MAF: variants seen among roughly 807,000 people sequenced by gnomAD.
MAF encodes MAF bZIP transcription factor.
MAF carries 10 observed loss-of-function variants against 22.0 expected under a neutral mutation model. The ratio of observed to expected loss-of-function variants is 0.45; its 90% CI spans 0.28 to 0.77. The LOEUF is 0.77. MAF is among the 30% of genes least tolerant of loss of function. The pLI is 0.12. For synonymous variants in MAF, 337 were observed against 255.8 expected, an observed-to-expected ratio of 1.32 and a Z score of -3.03; for missense variants, 544 against 548.4, an observed-to-expected ratio of 0.99 and a Z score of 0.08.
At chr16:79,504,130 C>G in the MAF span, among the ~76,000 whole-genome samples, 1 of 152,116 alleles carries the variant, frequency 6.6e-6, no homozygotes, top group Admixed American at 6.5e-5. Flanking sequence ...GACTTTTCAC[C>G]TTCTGTTTGG....
the MAF span, among the ~76,000 whole-genome samples, chr16:79,554,090 AAAACAAAC>A: frequency 5.7e-3 from 693 of 121,110 alleles, 8 homozygotes; most frequent in East Asian, 0.011. Context: ...CTGCCTCTCA[AAAACAAAC>A]AAACAAACAA....
chr16:79,362,529 T>A, the MAF span, among the ~76,000 whole-genome samples: 479 of 152,314 alleles, frequency 3.1e-3, no homozygotes, highest in Non-Finnish European at 5.5e-3. Context: ...TAGTCACCAT[T>A]AGAAATAGTC....
the MAF span, among the ~76,000 whole-genome samples, chr16:79,517,651 T>A: frequency 8.0e-3 from 1,189 of 149,058 alleles, 15 homozygotes; most frequent in African/African-American, 0.027. Flanking sequence ...CTTGGCTCAC[T>A]GCAATCTCTG....
the MAF span, among the ~76,000 whole-genome samples, chr16:79,518,788 G>A: frequency 6.6e-6 from 1 of 152,172 alleles, no homozygotes; most frequent in Non-Finnish European, 1.5e-5. Flanking sequence ...AGCCAGGCTT[G>A]GTGGCGCATG....
the MAF span, among the ~76,000 whole-genome samples, chr16:79,382,324 G>A: frequency 1.3e-5 from 2 of 152,142 alleles, no homozygotes; most frequent in East Asian, 1.9e-4. Flanking sequence ...TCCTTTGACC[G>A]ATTTAATGGA....
chr16:79,351,423 C>A, the MAF span, among the ~76,000 whole-genome samples: 1 of 152,098 alleles, frequency 6.6e-6, no homozygotes, highest in Non-Finnish European at 1.5e-5. Flanking sequence ...TCCAGGCTTG[C>A]GGGAGAGAGG....
At chr16:79,582,285 T>G (rs945484961), downstream of MAF, among the ~76,000 whole-genome samples, 1 of 152,226 alleles carries the variant, frequency 6.6e-6, no homozygotes, top group East Asian at 1.9e-4. Flanking sequence ...ACGGCGGCAG[T>G]AAATCGGAGA....
chr16:79,216,685 C>A, the MAF span, among the ~76,000 whole-genome samples: 8 of 151,964 alleles, frequency 5.3e-5, no homozygotes, highest in African/African-American at 1.9e-4. Flanking sequence ...GCATTTTTGA[C>A]TTATATTTTC....
chr16:79,325,915 G>A, the MAF span, among the ~76,000 whole-genome samples: 2 of 152,136 alleles, frequency 1.3e-5, no homozygotes, highest in East Asian at 3.9e-4. Context: ...ATCTTACCAG[G>A]ATCCCCACAC....
the MAF span, among the ~76,000 whole-genome samples, chr16:79,517,042 C>T: frequency 1.3e-5 from 2 of 151,780 alleles, no homozygotes; most frequent in African/African-American, 4.8e-5. Flanking sequence ...TTTTTTTCTC[C>T]AGGACCATAG....
At chr16:79,485,591 C>T in the MAF span, among the ~76,000 whole-genome samples, 4 of 152,130 alleles carry the variant, frequency 2.6e-5, no homozygotes, top group African/African-American at 9.7e-5. Flanking sequence ...TGAGCACAAA[C>T]TGACAATCTG....
At chr16:79,540,888 T>G in the MAF span, among the ~76,000 whole-genome samples, 2 of 151,936 alleles carry the variant, frequency 1.3e-5, no homozygotes, top group African/African-American at 4.9e-5. Flanking sequence ...TAATTATTAC[T>G]CTTTACTGCT....
At chr16:79,381,527 T>C in the MAF span, among the ~76,000 whole-genome samples, 2 of 152,186 alleles carry the variant, frequency 1.3e-5, no homozygotes, top group African/African-American at 4.8e-5. Flanking sequence ...TGGTGTTTAT[T>C]TGGGGAAAGC....
At chr16:79,288,568 C>T in the MAF span, among the ~76,000 whole-genome samples, 1 of 152,094 alleles carries the variant, frequency 6.6e-6, no homozygotes. Context: ...TTTTGAGATA[C>T]AGTAATAATC....
the MAF span, among the ~76,000 whole-genome samples, chr16:79,374,566 T>C: frequency 6.6e-6 from 1 of 152,198 alleles, no homozygotes; most frequent in Non-Finnish European, 1.5e-5. Context: ...TTACAAAGCA[T>C]CCATTCAGCA....
chr16:79,480,888 C>T, the MAF span, among the ~76,000 whole-genome samples: 5 of 152,346 alleles, frequency 3.3e-5, no homozygotes, highest in Middle Eastern at 3.4e-3. Context: ...CAGTTCAAAA[C>T]TGCAAGCCAG....
chr16:79,295,429 G>A, the MAF span, among the ~76,000 whole-genome samples: 1 of 152,208 alleles, frequency 6.6e-6, no homozygotes, highest in African/African-American at 2.4e-5. Context: ...TACAGAGAAA[G>A]CCAGATTGGT....
At chr16:79,489,978 G>C in the MAF span, among the ~76,000 whole-genome samples, 7 of 152,152 alleles carry the variant, frequency 4.6e-5, no homozygotes, top group Non-Finnish European at 8.8e-5. Context: ...TAGAGCATAA[G>C]GTAGATGGAA....
At chr16:79,340,437 C>T in the MAF span, among the ~76,000 whole-genome samples, 1 of 150,870 alleles carries the variant, frequency 6.6e-6, no homozygotes, top group African/African-American at 2.4e-5. Context: ...TAGGTATTCC[C>T]AGTGCCTGGC....
Sources: allele counts gnomAD v4.1 joint callset (sites outside exome capture counted in the v4.1 genomes callset), GRCh38; gene constraint gnomAD v4.1.1; transcripts MANE v1.5; gene names NCBI Gene and HGNC (gene_info 2026-07-23, HGNC 2026-07-21).